The following PARG variants were observed in gnomAD, a reference collection of about 807,000 sequenced individuals.
PARG encodes poly(ADP-ribose) glycohydrolase.
PARG carries 35 observed loss-of-function variants against 113.0 expected under a neutral mutation model. The ratio of observed to expected loss-of-function variants is 0.31; its 90% CI spans 0.24 to 0.41. The LOEUF is 0.41. Ranked by LOEUF, PARG falls within the 10% of genes least tolerant of loss-of-function variation. The probability of loss-of-function intolerance (pLI) is 1.00; values close to 1 mark genes in which losing one functional copy is unlikely to be tolerated. For missense variants in PARG, 797 were observed against 1,169.4 expected (o/e 0.68, Z 4.64); for synonymous variants, 330 against 409.9 (o/e 0.81, Z 2.36).
chr10:49,832,890 G>T lies in PARG; in HGVS notation c.2560C>A (p.Arg854Ser). The T allele has an allele frequency of 6.5e-7, 1 of 1,546,214 alleles. No homozygotes were observed. The highest frequency in any genetic ancestry group is 8.8e-7 in the Non-Finnish European group (1 of 1,142,456). Residue 854 changes from arginine (R) to serine (S), a missense_variant, in exon 16 of 18, where the codon CGT (arginine) becomes AGT (serine). Physicochemically the swap from Arg to Ser is moderately radical, Grantham distance 110 (BLOSUM62 -1). Around this residue, in one of 5 missense-constraint regions of PARG, gnomAD observed 194 missense variants for 247.1 expected, o/e 0.79. Coordinates refer to ENST00000616448, the MANE Select transcript of PARG (RefSeq NM_003631.5). ...AGATTCTCTGAAGAAACTCCAGGAC[G>T]GAGAAATCCACAGTAAGCCTGCAGG... ...ELNKAYCGFLRPGVSSENLSA... is the reference protein window; with the variant it reads ...ELNKAYCGFLSPGVSSENLSA...
At chr10:49,853,511 C>T (rs1261464462) in intron 13 of PARG, among the ~76,000 whole-genome samples, 1 of 152,106 alleles carries the variant, frequency 6.6e-6, no homozygotes, top group Non-Finnish European at 1.5e-5. Flanking sequence ...TCTTATCTCC[C>T]CTAGTACCTT....
chr10:49,823,329 T>A (rs1053818189), intron 16 of PARG, among the ~76,000 whole-genome samples: 2 of 152,042 alleles, frequency 1.3e-5, no homozygotes, highest in African/African-American at 4.8e-5. Flanking sequence ...GAAGAAAAAA[T>A]TTTAAGTTGA....
At chr10:49,866,340 T>C (rs1554836905) in intron 10 of PARG, among the ~76,000 whole-genome samples, 2 of 152,006 alleles carry the variant, frequency 1.3e-5, no homozygotes, top group Non-Finnish European at 2.9e-5. Flanking sequence ...CATCATTTCA[T>C]TCCTGTGCAC....
chr10:49,905,171 G>C (rs1469957633), intron 7 of PARG, among the ~76,000 whole-genome samples: 1 of 151,288 alleles, frequency 6.6e-6, no homozygotes, highest in African/African-American at 2.5e-5. Context: ...TTAAAATAAA[G>C]AAACTTAAAG....
At chr10:49,821,570 C>T (rs948208206) in intron 16 of PARG, among the ~76,000 whole-genome samples, 8 of 151,950 alleles carry the variant, frequency 5.3e-5, no homozygotes, top group Non-Finnish European at 1.2e-4. Context: ...AGTAAAGACA[C>T]GGTTTCACCA....
chr10:49,896,347 C>T (rs1461448881), intron 7 of PARG, among the ~76,000 whole-genome samples: 3 of 152,000 alleles, frequency 2.0e-5, no homozygotes, highest in South Asian at 2.1e-4. Context: ...TGCAGTGGTG[C>T]GATCTTGGCT....
Position 49,933,767 on chromosome 10 carries a change from C to A in PARG, c.681G>T (p.Gln227His). The change falls in exon 3 of 18, where the codon CAG becomes CAT. Residue 227 changes from glutamine (Q) to histidine (H), a missense_variant. Gln to His is a conservative substitution (Grantham distance 24). Transcript: ENST00000616448. ...TCTGGTGGCTTTTGGCTTCTCTGGCCTGTTCATCTTCTGTAGTCTGCTTTG... is the reference window on the plus strand; with the variant it reads ...TCTGGTGGCTTTTGGCTTCTCTGGCATGTTCATCTTCTGTAGTCTGCTTTG... ...ANAKQTTEDEQAREAKSHQKC... is the reference protein window; with the variant it reads ...ANAKQTTEDEHAREAKSHQKC... 6.2e-7 allele frequency: 1 copy of A among 1,613,498 alleles called. No homozygotes were observed. The highest frequency in any genetic ancestry group is 8.5e-7 in the Non-Finnish European group (1 of 1,179,470).
chr10:49,939,124 A>T (rs1838889073), intron 1 of PARG, among the ~76,000 whole-genome samples: 1 of 152,136 alleles, frequency 6.6e-6, no homozygotes, highest in African/African-American at 2.4e-5. Context: ...TGAAACCACA[A>T]ATTATCCAGT....
At chr10:49,889,688 T>A (rs766568369) in intron 7 of PARG, among the ~76,000 whole-genome samples, 1 of 152,216 alleles carries the variant, frequency 6.6e-6, no homozygotes, top group Non-Finnish European at 1.5e-5. Context: ...AAACCTTAAG[T>A]GTCTTAACAG....
In PARG at chr10:49,917,838, GA is replaced by G. The variant is rs11406956; in HGVS notation, c.1663-1848del. On this transcript the variant is annotated intron_variant, in intron 6 of 17. Transcript: ENST00000616448. ...GTCTCAGAAAAAAAAAAAAAAGAAA[GA>G]AAAAAAAAATTAAAAGATTTTAAGG... is the stretch of plus-strand genomic sequence containing the variant. 3.9e-3 allele frequency among the ~76,000 whole-genome samples: 567 copies of G among 143,744 alleles called. 8 individuals carry two copies. The highest frequency in any genetic ancestry group is 0.014 in the African/African-American group (544 of 38,790). The allele number at this position is 143,744 out of a possible 152,430, so 94.3% of individuals were successfully genotyped here. A position where few individuals can be genotyped will look rare whatever the true frequency, so the allele number is the denominator to read the frequency against.
At chr10:49,898,235 A>G (rs1388695018) in intron 7 of PARG, among the ~76,000 whole-genome samples, 2 of 152,390 alleles carry the variant, frequency 1.3e-5, no homozygotes, top group East Asian at 3.9e-4. Context: ...TTCAGATATA[A>G]TAGTGTTTTA....
rs1838576111 is a variant in PARG, at chr10:49,933,215, T to C, written c.1233A>G (p.Thr411=). Residue 411 remains threonine, a synonymous_variant, in exon 3 of 18, where the codon ACA becomes ACG. Transcript: ENST00000616448. ...KQHGKKDSKI[T]DHFMRLPKAE... is the part of the protein sequence containing the mutation. ...CTTTGGGCAGTCTCATGAAATGATC[T>C]GTGATTTTAGAATCCTTTTTTCCAT... The C allele has an allele frequency of 1.3e-6, 2 of 1,588,110 alleles. No individual in the cohort carries two copies. Among genetic ancestry groups the C allele is most frequent in the African/African-American group, 1.3e-5 (1 of 74,744 alleles).
intron 1 of PARG, among the ~76,000 whole-genome samples, chr10:49,935,819 A>G (rs1838713824): frequency 6.6e-6 from 1 of 152,238 alleles, no homozygotes; most frequent in African/African-American, 2.4e-5. Context: ...GCAAAAGAAA[A>G]TATGGTTGAA....
At chr10:49,865,733 A>C (rs1380657042) in intron 10 of PARG, among the ~76,000 whole-genome samples, 1 of 151,056 alleles carries the variant, frequency 6.6e-6, no homozygotes, top group Non-Finnish European at 1.5e-5. Flanking sequence ...GCATTGAAAA[A>C]AAGGATGTAT....
intron 9 of PARG, among the ~76,000 whole-genome samples, chr10:49,873,390 C>T (rs1484535263): frequency 1.4e-5 from 2 of 142,858 alleles, no homozygotes; most frequent in Non-Finnish European, 3.1e-5. Flanking sequence ...CTGGATCTTT[C>T]AGAAGCCACA....
In PARG at chr10:49,932,257, T is replaced by G. The variant is rs2132969098; in HGVS notation, c.1298A>C (p.Gln433Pro). 2 of 1,590,400 alleles carry G rather than the reference T, an allele frequency of 1.3e-6. No homozygotes were observed. Among genetic ancestry groups the G allele is most frequent in the East Asian group, 4.5e-5 (2 of 44,790 alleles). The change falls in exon 4 of 18, where the codon CAA becomes CCA. Residue 433 changes from glutamine to proline, a missense_variant. Gln to Pro is a moderately conservative substitution (Grantham distance 76). Around this residue, in one of 5 missense-constraint regions of PARG, gnomAD observed 252 missense variants for 437.4 expected, o/e 0.58. Transcript: ENST00000616448. Reference sequence around the variant, plus strand: ...TTTAGGGATCTTCCTTTCTGTTCTTTGATGTTTGGTTTCCCACTGTTCTTT... The same window carrying G: ...TTTAGGGATCTTCCTTTCTGTTCTTGGATGTTTGGTTTCCCACTGTTCTTT... The part of the protein sequence containing the change: ...RRKEQWETKH[Q>P]RTERKIPKYV...
chr10:49,928,099 C>T (rs1169922875), intron 4 of PARG, among the ~76,000 whole-genome samples: 5 of 151,986 alleles, frequency 3.3e-5, no homozygotes, highest in Non-Finnish European at 7.4e-5. Flanking sequence ...GGCGAAACCC[C>T]GTCTCTATTA....
chr10:49,870,332 G>A (rs1363475542), intron 9 of PARG, among the ~76,000 whole-genome samples: 1 of 151,626 alleles, frequency 6.6e-6, no homozygotes, highest in Non-Finnish European at 1.5e-5. Flanking sequence ...AGGAACCAAA[G>A]CAGCAGCACC....
At chr10:49,920,461 AAAATATATATATATATATATATATAT>A (rs1218372502) in intron 6 of PARG, among the ~76,000 whole-genome samples, 4 of 48,336 alleles carry the variant, frequency 8.3e-5, no homozygotes, top group South Asian at 6.5e-4. Context: ...TAAAAAAAAA[AAAATATATATATATATATATATATAT>A]ATATATATAT....
Sources: allele counts gnomAD v4.1 joint callset (sites outside exome capture counted in the v4.1 genomes callset), GRCh38; gene constraint gnomAD v4.1.1; regional missense constraint gnomAD v4.1.1; transcripts MANE v1.5; gene names NCBI Gene and HGNC (gene_info 2026-07-23, HGNC 2026-07-21).